Variants in PIN4 observed in about 807,000 individuals in gnomAD.
PIN4 encodes the protein peptidylprolyl cis/trans isomerase, NIMA-interacting 4, also known as peptidyl-prolyl cis-trans isomerase NIMA-interacting 4.
A neutral mutation model predicts 8.3 loss-of-function variants in PIN4; 3 were observed. The observed-to-expected ratio is 0.36, with a 90% CI of 0.16 to 0.93. The LOEUF is 0.93. Among genes scored for constraint, PIN4 ranks in the 40% least tolerant of loss-of-function variants. The pLI is 0.44. For synonymous variants in PIN4, 18 were observed against 32.5 expected (o/e 0.55, Z 1.52); for missense variants, 75 against 100.6 (o/e 0.75, Z 1.09).
intron 3 of PIN4, among the ~76,000 whole-genome samples, chrX:72,245,276 C>A (rs1052976978): frequency 7.3e-5 from 8 of 109,180 alleles, no homozygotes; most frequent in Non-Finnish European, 1.1e-4. Context: ...TCCAGCGATT[C>A]TCCAACCTCA....
chrX:72,200,344 C>G, downstream of PIN4, among the ~76,000 whole-genome samples: 1 of 111,631 alleles, frequency 9.0e-6, no homozygotes, highest in Non-Finnish European at 1.9e-5. Flanking sequence ...TACAAGTTCC[C>G]TCTTTTTATG....
chrX:72,203,956 T>TGTC (rs1299223435), intron 3 of PIN4, among the ~76,000 whole-genome samples: 1 of 107,565 alleles, frequency 9.3e-6, no homozygotes, highest in Non-Finnish European at 1.9e-5. Flanking sequence ...TGATAATATG[T>TGTC]GTCAGAATAG....
At chrX:72,248,597 G>T (rs1399230848) in intron 3 of PIN4, among the ~76,000 whole-genome samples, 1 of 112,526 alleles carries the variant, frequency 8.9e-6, no homozygotes, top group East Asian at 2.8e-4. Context: ...CCAATCCTCA[G>T]CCAGGTGCAG....
At position 72,197,548 on chromosome X, in the gene PIN4, A is replaced by G. The variant is rs769101076; in HGVS notation, c.*22A>G. On this transcript the variant is annotated 3_prime_UTR_variant, in exon 4 of 4. Transcript: ENST00000373669. ...ATAAAATCATATGAAAGACTGAATA[A>G]GTTTTATACATTTTGTTTCTTTAAA... 8.6e-7 allele frequency: 1 copy of G among 1,168,905 alleles called. No homozygotes were observed. Among genetic ancestry groups the G allele is most frequent in the Non-Finnish European group, 1.2e-6 (1 of 861,079 alleles).
downstream of PIN4, among the ~76,000 whole-genome samples, chrX:72,201,932 C>G: frequency 8.9e-6 from 1 of 112,810 alleles, no homozygotes; most frequent in Non-Finnish European, 1.9e-5. Context: ...GCTCAAAACA[C>G]CCTGTTAGAG....
intron 2 of PIN4, among the ~76,000 whole-genome samples, chrX:72,190,954 A>C (rs75162950): frequency 7.4e-4 from 73 of 98,708 alleles, no homozygotes; most frequent in Non-Finnish European, 9.9e-4. Flanking sequence ...CTCCATCTCA[A>C]AAAAAAAAAA....
intron 2 of PIN4, among the ~76,000 whole-genome samples, chrX:72,192,089 T>A (rs754139133): frequency 3.5e-4 from 39 of 110,662 alleles, no homozygotes; most frequent in Non-Finnish European, 6.8e-4. Flanking sequence ...GTAGCTGGGA[T>A]TACAGGCATC....
chrX:72,203,589 A>G (rs1357085969), intron 3 of PIN4, among the ~76,000 whole-genome samples: 1 of 110,807 alleles, frequency 9.0e-6, no homozygotes, highest in Non-Finnish European at 1.9e-5. Flanking sequence ...GATGTGGAAA[A>G]CCCCCACATT....
chrX:72,205,072 G>A, intron 3 of PIN4: 1 of 1,210,065 alleles, frequency 8.3e-7, no homozygotes. Flanking sequence ...TTCAGGATCT[G>A]CACTTTTTAT....
intron 3 of PIN4, among the ~76,000 whole-genome samples, chrX:72,218,576 C>G (rs2042900909): frequency 9.2e-6 from 1 of 108,539 alleles, no homozygotes; most frequent in South Asian, 4.2e-4. Flanking sequence ...TCACTGCAAC[C>G]TCTGCCTCCC....
At chrX:72,215,931 C>T (rs1452562969) in intron 3 of PIN4, among the ~76,000 whole-genome samples, 1 of 110,779 alleles carries the variant, frequency 9.0e-6, no homozygotes, top group Middle Eastern at 4.7e-3. Flanking sequence ...TCCTCTCCAT[C>T]CACATATCCC....
chrX:72,208,546 C>G, intron 3 of PIN4: 1 of 1,211,710 alleles, frequency 8.3e-7, no homozygotes, highest in South Asian at 1.8e-5. Flanking sequence ...TTCATCATCT[C>G]CCTGTTCTGC....
intron 3 of PIN4, among the ~76,000 whole-genome samples, chrX:72,261,332 G>A (rs1311603084): frequency 1.9e-5 from 2 of 107,010 alleles, no homozygotes; most frequent in Non-Finnish European, 1.9e-5. Context: ...TCTGGGTGTC[G>A]ACCCCCCTGT....
intron 3 of PIN4, chrX:72,207,462 T>C (rs1446398111): frequency 8.3e-7 from 1 of 1,210,984 alleles, no homozygotes; most frequent in Admixed American, 2.2e-5. Flanking sequence ...CCCCCTCATT[T>C]CCATCTTGAG....
chrX:72,204,311 G>A (rs746345014), intron 3 of PIN4, among the ~76,000 whole-genome samples: 8 of 112,707 alleles, frequency 7.1e-5, no homozygotes, highest in Non-Finnish European at 1.5e-4. Flanking sequence ...CAAAGTTTGT[G>A]TATGTTGAAC....
intron 3 of PIN4, among the ~76,000 whole-genome samples, chrX:72,249,238 G>A (rs1043965982): frequency 1.8e-5 from 2 of 112,010 alleles, no homozygotes; most frequent in African/African-American, 6.5e-5. Context: ...TTAGGGAAAT[G>A]CAATTTAAAA....
At chrX:72,207,017 G>A in intron 3 of PIN4, 1 of 1,211,288 alleles carries the variant, frequency 8.3e-7, no homozygotes, top group South Asian at 1.8e-5. Flanking sequence ...CAAGTGATTA[G>A]CCTATAAACC....
chrX:72,245,220 G>A (rs2043063764), intron 3 of PIN4, among the ~76,000 whole-genome samples: 1 of 107,899 alleles, frequency 9.3e-6, no homozygotes, highest in Non-Finnish European at 1.9e-5. Flanking sequence ...GTGTGATCTC[G>A]GCTCACTGTA....
At position 72,214,741 on chromosome X, in the gene PIN4, C is replaced by G. The variant is rs568540511; in HGVS notation, c.312+17837C>G. Among the ~76,000 whole-genome samples the G allele has an allele frequency of 2.8e-5, 3 of 108,912 alleles. No homozygotes were observed. The South Asian group carries it at 1.2e-3, about 43-fold the overall frequency. 94.6% of individuals were successfully genotyped at this position (108,912 alleles called of 115,157 possible). ...GTGGCTCACACCTGTAATCCTAGCA[C>G]TTTGGGAGGCCGAGGTGGGCAGATC... On this transcript the variant is annotated intron_variant, in intron 3 of 3. Coordinates refer to the PIN4 transcript ENST00000423432.
Sources: allele counts gnomAD v4.1 joint callset (sites outside exome capture counted in the v4.1 genomes callset), GRCh38; gene constraint gnomAD v4.1.1; transcripts MANE v1.5; gene names NCBI Gene and HGNC (gene_info 2026-07-23, HGNC 2026-07-21).